EIF4B: variants seen among roughly 807,000 people sequenced by gnomAD.
EIF4B encodes the protein eukaryotic translation initiation factor 4B.
Under a neutral mutation model 79.3 loss-of-function variants are expected in EIF4B, and 8 were observed. The ratio of observed to expected loss-of-function variants is 0.10; its 90% CI spans 0.06 to 0.18. The LOEUF (loss-of-function observed/expected upper bound fraction) is 0.18, where lower values mean the gene tolerates loss of function less well. Ranked by LOEUF, EIF4B falls within the 10% of genes least tolerant of loss-of-function variation. The pLI is 1.00. For missense variants in EIF4B, 515 were observed against 792.4 expected (o/e 0.65, Z 4.20); for synonymous variants, 238 against 274.7 (o/e 0.87, Z 1.32).
At chr12:53,034,482 G>C in intron 9 of EIF4B, 130 bp from the exon 10 acceptor site, 2 of 858,960 alleles carry the variant, frequency 2.3e-6, no homozygotes, top group Non-Finnish European at 3.7e-6. Context: ...AATAGTTTGA[G>C]GGAAAGATAA....
intron 8 of EIF4B, 23 bp from the exon 9 acceptor site, chr12:53,033,783 A>C (rs1415087596): frequency 7.0e-6 from 11 of 1,565,842 alleles, no homozygotes; most frequent in Non-Finnish European, 9.5e-6. Flanking sequence ...GAAAACTATT[A>C]CTTAAAGTTT....
chr12:53,027,123 CA>C (rs1001491962), intron 6 of EIF4B, among the ~76,000 whole-genome samples: 9,038 of 79,792 alleles, frequency 0.11, 3,237 homozygotes, highest in Middle Eastern at 0.15. Flanking sequence ...GACTGTCTCT[CA>C]AAAAAAAAAA....
At chr12:53,024,820 T>C (rs948719627) in intron 6 of EIF4B, among the ~76,000 whole-genome samples, 1 of 152,078 alleles carries the variant, frequency 6.6e-6, no homozygotes, top group African/African-American at 2.4e-5. Flanking sequence ...CACACCTGGC[T>C]AATTTTTGTA....
intron 1 of EIF4B, chr12:53,013,645 G>A (rs1256433748): frequency 6.6e-6 from 1 of 152,130 alleles, no homozygotes. Flanking sequence ...AAATTAGCCA[G>A]GCTTGGTGGC....
intron 1 of EIF4B, among the ~76,000 whole-genome samples, chr12:53,006,953 G>A (rs371511252): frequency 2.7e-5 from 4 of 150,556 alleles, no homozygotes; most frequent in East Asian, 2.0e-4. Context: ...TAAGTGTGGT[G>A]GGGGGGAGCA....
chr12:53,022,348 T>G, intron 5 of EIF4B, 145 bp from the exon 6 acceptor site: 4 of 1,169,824 alleles, frequency 3.4e-6, no homozygotes, highest in Non-Finnish European at 3.8e-6. Context: ...AATTGGAGCA[T>G]GTACTTATGG....
At chr12:53,032,786 C>G (rs1943469928) in intron 8 of EIF4B, among the ~76,000 whole-genome samples, 1 of 151,786 alleles carries the variant, frequency 6.6e-6, no homozygotes, top group South Asian at 2.1e-4. Context: ...ATTCTCCTGC[C>G]TCAGTCTCCT....
intron 3 of EIF4B, among the ~76,000 whole-genome samples, chr12:53,019,652 C>CACT (rs1943215655): frequency 6.8e-6 from 1 of 146,114 alleles, no homozygotes; most frequent in Non-Finnish European, 1.5e-5. Context: ...AGGCATGAGC[C>CACT]ACTGCACCTG....
In EIF4B at chr12:53,009,463, C is replaced by G. The variant is rs564866853; in HGVS notation, c.13+2967C>G. ...TGAATTGAGATTGCACCACTGCCCT[C>G]CGGCCTGGGCGACAGAGCGAGACTC... On this transcript the variant is annotated intron_variant, in intron 1 of 14. Transcript: ENST00000262056. Among the ~76,000 whole-genome samples the G allele has an allele frequency of 7.9e-5, 12 of 151,970 alleles. No individual in the cohort carries two copies. In the South Asian group the frequency reaches 2.5e-3, roughly 32 times the overall value.
chr12:53,037,496 C>G lies in EIF4B; in HGVS notation c.1394C>G (p.Pro465Arg), dbSNP rs758806703. 1.6e-5 allele frequency: 26 copies of G among 1,613,734 alleles called. No individual in the cohort carries two copies. Among genetic ancestry groups the G allele is most frequent in the Non-Finnish European group, 2.2e-5 (26 of 1,179,810 alleles). ...TGCCACTCTCCAACTTCTAAACCTC[C>G]CAAACCTGATCAGCCCCTAAAGGTA... ...EDCHSPTSKP[P>R]KPDQPLKVMP... The change falls in exon 11 of 15, where the codon CCC becomes CGC. Residue 465 changes from proline to arginine, a missense_variant. Coordinates refer to ENST00000262056, the MANE Select transcript of EIF4B (RefSeq NM_001417.7).
intron 1 of EIF4B, among the ~76,000 whole-genome samples, chr12:53,010,723 T>C (rs917237874): frequency 3.3e-5 from 5 of 152,072 alleles, no homozygotes; most frequent in Non-Finnish European, 7.4e-5. Context: ...CTCAGCTCAC[T>C]GCAATCTCCA....
intron 3 of EIF4B, 35 bp from the exon 4 acceptor site, chr12:53,019,875 C>T (rs1430892011): frequency 6.3e-7 from 1 of 1,589,168 alleles, no homozygotes. Flanking sequence ...AAGAAGAATG[C>T]TGGGAAACTT....
intron 4 of EIF4B, among the ~76,000 whole-genome samples, chr12:53,020,410 A>G (rs1373068617): frequency 1.3e-5 from 2 of 152,214 alleles, no homozygotes; most frequent in African/African-American, 2.4e-5. Flanking sequence ...TTAAAGGCAT[A>G]TCTCATTTTC....
At chr12:53,036,399 G>A (rs796480070) in intron 10 of EIF4B, among the ~76,000 whole-genome samples, 5 of 151,926 alleles carry the variant, frequency 3.3e-5, no homozygotes, top group African/African-American at 1.2e-4. Context: ...GGCGTGAGCC[G>A]CCGTGCCCGG....
In EIF4B at chr12:53,027,137, A is replaced by AATTTTTTTTTT. The variant is rs1491387300; in HGVS notation, c.668-645_668-644insATTTTTTTTTT. On this transcript the variant is annotated intron_variant, in intron 6 of 14. Coordinates refer to ENST00000262056, the MANE Select transcript of EIF4B (RefSeq NM_001417.7). The stretch of plus-strand genomic sequence containing the variant: ...AGACTGTCTCTCAAAAAAAAAAAAA[A>AATTTTTTTTTT]TTTTTTTTTTTTTTTTTTTTGAGAC... 2.3e-3 allele frequency among the ~76,000 whole-genome samples: 58 copies of AATTTTTTTTTT among 25,744 alleles called. 5 individuals carry two copies. In the East Asian group the frequency reaches 0.055, roughly 24 times the overall value. 16.9% of individuals were successfully genotyped at this position (25,744 alleles called of 152,430 possible). A position where few individuals can be genotyped will look rare whatever the true frequency, so the allele number is the denominator to read the frequency against.
At chr12:53,039,503 A>G (rs1943593758) in intron 13 of EIF4B, 127 bp from the exon 14 acceptor site, 2 of 1,284,252 alleles carry the variant, frequency 1.6e-6, no homozygotes, top group Admixed American at 2.5e-5. Flanking sequence ...GAAGTAATAC[A>G]TCATCCAGAC....
chr12:53,037,356 A>G, intron 10 of EIF4B, 53 bp from the exon 11 acceptor site: 1 of 1,564,094 alleles, frequency 6.4e-7, no homozygotes, highest in Non-Finnish European at 8.7e-7. Context: ...ATCCTGGTAG[A>G]TGCGTGAGCA....
At chr12:53,029,314 A>G (rs1259404543) in intron 8 of EIF4B, among the ~76,000 whole-genome samples, 2 of 151,956 alleles carry the variant, frequency 1.3e-5, no homozygotes, top group Non-Finnish European at 2.9e-5. Flanking sequence ...TTCTAACTTC[A>G]GTGATGTCAT....
At chr12:53,009,068 T>A (rs1943018843) in intron 1 of EIF4B, among the ~76,000 whole-genome samples, 2 of 152,102 alleles carry the variant, frequency 1.3e-5, no homozygotes, top group Admixed American at 1.3e-4. Context: ...AGTTTTTCAT[T>A]TTTCTTAAAT....
Sources: allele counts gnomAD v4.1 joint callset (sites outside exome capture counted in the v4.1 genomes callset), GRCh38; gene constraint gnomAD v4.1.1; transcripts MANE v1.5; gene names NCBI Gene and HGNC (gene_info 2026-07-23, HGNC 2026-07-21).